The following FOXA2 variants were observed in gnomAD, a reference collection of about 807,000 sequenced individuals.
The protein encoded by FOXA2 is forkhead box A2, also known as hepatocyte nuclear factor 3-beta.
A neutral mutation model predicts 33.3 loss-of-function variants in FOXA2; 9 were observed. The ratio of observed to expected loss-of-function variants is 0.27; its 90% CI spans 0.16 to 0.47. The LOEUF is 0.47. Ranked by LOEUF, FOXA2 falls within the 20% of genes least tolerant of loss-of-function variation. The pLI, the probability that FOXA2 is intolerant of heterozygous loss-of-function variation, is 0.99. For synonymous variants in FOXA2, 329 were observed against 289.4 expected (o/e 1.14, Z -1.39); for missense variants, 704 against 659.9 (o/e 1.07, Z -0.73).
Position 22,582,804 on chromosome 20 carries a change from C to G in FOXA2, c.438G>C (p.Ala146=), listed in dbSNP as rs201700439. The change falls in exon 2 of 2, where the codon GCG becomes GCC. Residue 146 remains alanine, a synonymous_variant. Transcript: ENST00000419308. The stretch of plus-strand genomic sequence containing the variant: ...TGGGGTCGCGGGCGCGGCTCAGGCC[C>G]GCCTGCCCGTACATGGGGCTCATGG... ...MNSMSPMYGQ[A]GLSRARDPKT... is the part of the protein sequence containing the mutation. 267 of 1,613,348 alleles carry G rather than the reference C, an allele frequency of 1.7e-4. No homozygotes were observed. Among genetic ancestry groups the G allele is most frequent in the Middle Eastern group, 6.6e-4 (4 of 6,080 alleles).
chr20:22,584,470 G>C lies in FOXA2; in HGVS notation c.-192C>G, dbSNP rs560224517. On this transcript the variant is annotated 5_prime_UTR_variant, in exon 1 of 2. Transcript: ENST00000419308. ...GTAGTTGGAAGTGGGCGGGAGGTGG[G>C]GGGGGGCGAGGAGCGGAGGAGGCCC... is the stretch of plus-strand genomic sequence containing the variant. 260 of 604,186 alleles carry C rather than the reference G, an allele frequency of 4.3e-4. 2 individuals carry two copies. Among genetic ancestry groups the C allele is most frequent in the South Asian group, 4.0e-3 (214 of 53,202 alleles). The allele number at this position is 604,186 out of a possible 1,614,324, so 37.4% of individuals were successfully genotyped here.
At position 22,581,784 on chromosome 20, in the gene FOXA2, A is replaced by C; in HGVS notation, c.*66T>G. ...CCGTCTCCCCAAAGTCTCGACCCCC[A>C]CTTGCTCTCTCACTTGTCCTCGATC... On this transcript the variant is annotated 3_prime_UTR_variant, in exon 2 of 2. Transcript: ENST00000419308. The C allele has an allele frequency of 6.7e-7, 1 of 1,503,690 alleles. No individual in the cohort carries two copies. Among genetic ancestry groups the C allele is most frequent in the Non-Finnish European group, 9.2e-7 (1 of 1,088,750 alleles). 93.1% of individuals were successfully genotyped at this position (1,503,690 alleles called of 1,614,324 possible).
chr20:22,583,359 A>T (rs1339854626), intron 1 of FOXA2, among the ~76,000 whole-genome samples: 1 of 152,198 alleles, frequency 6.6e-6, no homozygotes, highest in African/African-American at 2.4e-5. Flanking sequence ...TGGCGAGCGG[A>T]TTGCTGCTTG....
rs780546461 is a variant in FOXA2 at position 22,582,957 on chromosome 20, G to T, written c.285C>A (p.Gly95=). 6.3e-6 allele frequency: 10 copies of T among 1,596,368 alleles called. No homozygotes were observed. The highest frequency in any genetic ancestry group is 2.3e-5 in the East Asian group (1 of 44,168). Residue 95 remains glycine, a synonymous_variant, in exon 2 of 2, where the codon GGC becomes GGA. Transcript: ENST00000419308. ...GMSPGAGAMA[G]MGGSAGAAGV... is the part of the protein sequence containing the mutation. ...CGGCCGCCCCGGCCGAGCCGCCCAT[G>T]CCCGCCATGGCGCCCGCGCCGGGGG...
At chr20:22,583,694 CG>C (rs1290014374) in intron 1 of FOXA2, among the ~76,000 whole-genome samples, 7 of 152,184 alleles carry the variant, frequency 4.6e-5, no homozygotes, top group Non-Finnish European at 1.0e-4. Flanking sequence ...GTGCGGAGTG[CG>C]GGGGCGGCTG....
Position 22,582,352 on chromosome 20 carries a change from G to A in FOXA2, c.890C>T (p.Ala297Val), listed in dbSNP as rs200459003. ...CGCCGGAGTCTCGGAGGCCGGCCCGGCGGCCTCCCCGAGTTGAGCCTGTGA... is the reference window on the plus strand; with the variant it reads ...CGCCGGAGTCTCGGAGGCCGGCCCGACGGCCTCCCCGAGTTGAGCCTGTGA... Reference protein sequence around the residue: ...QASQAQLGEAAGPASETPAGT... With the variant: ...QASQAQLGEAVGPASETPAGT... The change falls in exon 2 of 2, where the codon GCC (alanine) becomes GTC (valine). Residue 297 changes from alanine to valine, a missense_variant. Ala to Val is a moderately conservative substitution (Grantham distance 64). This residue lies in a region of FOXA2 where 343 missense variants were observed against 274.8 expected (regional missense o/e 1.25). Transcript: ENST00000419308. The A allele has an allele frequency of 3.0e-3, 4,464 of 1,483,358 alleles. 11 individuals carry two copies. The highest frequency in any genetic ancestry group is 3.6e-3 in the Non-Finnish European group (4,011 of 1,125,938). The allele number at this position is 1,483,358 out of a possible 1,614,324, so 91.9% of individuals were successfully genotyped here.
chr20:22,584,426 C>T lies in FOXA2; in HGVS notation c.-148G>A, dbSNP rs1261569222. ...CCCTGGGCTCCACTCCCTCTCTCTC[C>T]CTGGGCAGGCCGGAGGCGGTAGTTG... On this transcript the variant is annotated 5_prime_UTR_variant, in exon 1 of 2. Transcript: ENST00000419308. The T allele has an allele frequency of 2.9e-6, 2 of 680,938 alleles. No homozygotes were observed. The highest frequency in any genetic ancestry group is 5.2e-6 in the Non-Finnish European group (2 of 383,982). 42.2% of individuals were successfully genotyped at this position (680,938 alleles called of 1,614,324 possible).
chr20:22,583,181 C>A (rs1473942610), intron 1 of FOXA2, 27 bp from the exon 2 acceptor site: 4 of 1,598,562 alleles, frequency 2.5e-6, no homozygotes, highest in East Asian at 4.5e-5. Flanking sequence ...GGGAGGGAGG[C>A]GACAGCGTTA....
In FOXA2 at chr20:22,582,378, G is replaced by A; in HGVS notation, c.864C>T (p.Ala288=). 6.5e-7 allele frequency: 1 copy of A among 1,532,028 alleles called. No homozygotes were observed. The highest frequency in any genetic ancestry group is 8.7e-7 in the Non-Finnish European group (1 of 1,146,912). The allele number at this position is 1,532,028 out of a possible 1,614,324, so 94.9% of individuals were successfully genotyped here. ...CGGCCTCCCCGAGTTGAGCCTGTGA[G>A]GCCTGGGCTCCGGCGGCCGCCTTCT... ...SGKKAAAGAQ[A]SQAQLGEAAG... Residue 288 remains alanine, a synonymous_variant, in exon 2 of 2, where the codon GCC becomes GCT. Transcript: ENST00000419308.
chr20:22,581,711 T>C lies in FOXA2; in HGVS notation c.*139A>G, dbSNP rs2122990035. 3 of 768,208 alleles carry C rather than the reference T, an allele frequency of 3.9e-6. No homozygotes were observed. In the South Asian group the frequency reaches 5.2e-5, roughly 13 times the overall value. 47.6% of individuals were successfully genotyped at this position (768,208 alleles called of 1,614,324 possible). ...GAAGAAGACTGCTGTCTTGGGGGTG[T>C]TGGGGTGGGGGTGTTATGGATTTCT... On this transcript the variant is annotated 3_prime_UTR_variant, in exon 2 of 2. Coordinates refer to ENST00000419308, the MANE Select transcript of FOXA2 (RefSeq NM_021784.5).
rs1344133220 is a variant in FOXA2 at position 22,582,410 on chromosome 20, T to C, written c.832A>G (p.Ser278Gly). 10 of 1,569,370 alleles carry C rather than the reference T, an allele frequency of 6.4e-6. No homozygotes were observed. The highest frequency in any genetic ancestry group is 8.6e-6 in the Non-Finnish European group (10 of 1,162,502). Residue 278 changes from serine (S) to glycine (G), a missense_variant, in exon 2 of 2, where the codon AGC becomes GGC. Physicochemically the swap from Ser to Gly is moderately conservative, Grantham distance 56 (BLOSUM62 0). Around this residue, in one of 5 missense-constraint regions of FOXA2, gnomAD observed 343 missense variants for 274.8 expected, o/e 1.25. Coordinates refer to ENST00000419308, the MANE Select transcript of FOXA2 (RefSeq NM_021784.5). Reference protein sequence around the residue: ...ALKEAAGAAGSGKKAAAGAQA... With the variant: ...ALKEAAGAAGGGKKAAAGAQA... Reference sequence around the variant, plus strand: ...GCTCCGGCGGCCGCCTTCTTGCCGCTGCCGGCGGCGCCTGCGGCCTCCTTC... The same window carrying C: ...GCTCCGGCGGCCGCCTTCTTGCCGCCGCCGGCGGCGCCTGCGGCCTCCTTC...
chr20:22,582,804 C>T lies in FOXA2; in HGVS notation c.438G>A (p.Ala146=). The change falls in exon 2 of 2, where the codon GCG becomes GCA. Residue 146 remains alanine (A), a synonymous_variant. Transcript: ENST00000419308. ...TGGGGTCGCGGGCGCGGCTCAGGCC[C>T]GCCTGCCCGTACATGGGGCTCATGG... is the stretch of plus-strand genomic sequence containing the variant. The part of the protein sequence containing the change: ...MNSMSPMYGQ[A]GLSRARDPKT... 6.2e-7 allele frequency: 1 copy of T among 1,613,466 alleles called. No homozygotes were observed. The highest frequency in any genetic ancestry group is 8.5e-7 in the Non-Finnish European group (1 of 1,179,696).
intron 1 of FOXA2, among the ~76,000 whole-genome samples, chr20:22,583,921 T>G (rs1984677178): frequency 6.6e-6 from 1 of 151,522 alleles, no homozygotes; most frequent in African/African-American, 2.4e-5. Context: ...AACATAACTC[T>G]GTTAGGATAG....
chr20:22,584,102 G>GGGGCGGGGT, intron 1 of FOXA2, 90 bp downstream of exon 1: 1 of 1,241,654 alleles, frequency 8.1e-7, no homozygotes, highest in Non-Finnish European at 1.2e-6. Context: ...GGGGCGGGGT[G>GGGGCGGGGT]GGGGGGTGCC....
Position 22,582,304 on chromosome 20 carries a change from C to T in FOXA2, c.938G>A (p.Ser313Asn). 2 of 1,471,856 alleles carry T rather than the reference C, an allele frequency of 1.4e-6. No individual in the cohort carries two copies. The highest frequency in any genetic ancestry group is 1.8e-6 in the Non-Finnish European group (2 of 1,121,164). The allele number at this position is 1,471,856 out of a possible 1,614,324, so 91.2% of individuals were successfully genotyped here. Residue 313 changes from serine to asparagine, a missense_variant, in exon 2 of 2, where the codon AGC becomes AAC. Physicochemically the swap from Ser to Asn is conservative, Grantham distance 46. Around this residue, in one of 5 missense-constraint regions of FOXA2, gnomAD observed 343 missense variants for 274.8 expected, o/e 1.25. Coordinates refer to ENST00000419308, the MANE Select transcript of FOXA2 (RefSeq NM_021784.5). ...CTTGTGCTCCTGGCACGGGGAGGCG[C>T]TCGAGTGAGGCGACTCGGTGCCCGC... is the stretch of plus-strand genomic sequence containing the variant. The part of the protein sequence containing the change: ...TPAGTESPHS[S>N]ASPCQEHKRG...
chr20:22,581,937 G>C lies in FOXA2; in HGVS notation c.1305C>G (p.Asn435Lys). ...PGSLAMGPVTNKTGLDASPLA... is the reference protein window; with the variant it reads ...PGSLAMGPVTKKTGLDASPLA... ...GGGGCGAGGCGTCCAGGCCCGTTTTGTTCGTGACCGGGCCCATGGCCAAGC... is the reference window on the plus strand; with the variant it reads ...GGGGCGAGGCGTCCAGGCCCGTTTTCTTCGTGACCGGGCCCATGGCCAAGC... Residue 435 changes from asparagine (N) to lysine (K), a missense_variant, in exon 2 of 2, where the codon AAC (asparagine) becomes AAG (lysine). Asn to Lys is a moderately conservative substitution (Grantham distance 94). Around this residue, in one of 5 missense-constraint regions of FOXA2, gnomAD observed 343 missense variants for 274.8 expected, o/e 1.25. Transcript: ENST00000419308. 6.2e-7 allele frequency: 1 copy of C among 1,611,620 alleles called. No homozygotes were observed. The highest frequency in any genetic ancestry group is 8.5e-7 in the Non-Finnish European group (1 of 1,177,946).
chr20:22,585,398 C>G (rs1219871979), upstream of FOXA2: 1 of 152,382 alleles, frequency 6.6e-6, no homozygotes, highest in Middle Eastern at 3.4e-3. Flanking sequence ...CCTCAGACAC[C>G]GGCCGCCAGG....
At chr20:22,583,215 G>A (rs1251624719) in intron 1 of FOXA2, 61 bp from the exon 2 acceptor site, 16 of 1,578,634 alleles carry the variant, frequency 1.0e-5, no homozygotes, top group Non-Finnish European at 8.6e-7. Flanking sequence ...AGGGTGCCCA[G>A]ACCTCCCACC....
rs2122998696 is a variant in FOXA2 at position 22,584,356 on chromosome 20, G to A, written c.-78C>T. 4.0e-6 allele frequency: 5 copies of A among 1,246,888 alleles called. No homozygotes were observed. The highest frequency in any genetic ancestry group is 1.9e-4 in the Middle Eastern group (1 of 5,132). The allele number at this position is 1,246,888 out of a possible 1,614,324, so 77.2% of individuals were successfully genotyped here. A position where few individuals can be genotyped will look rare whatever the true frequency, so the allele number is the denominator to read the frequency against. On this transcript the variant is annotated 5_prime_UTR_variant, in exon 1 of 2. Transcript: ENST00000419308. ...CCCACCCTCTTTTAAAAAAAAGTCA[G>A]CCAAAGCACCGTCCCCTCCTCCCTC... is the stretch of plus-strand genomic sequence containing the variant.
Sources: allele counts gnomAD v4.1 joint callset (sites outside exome capture counted in the v4.1 genomes callset), GRCh38; gene constraint gnomAD v4.1.1; regional missense constraint gnomAD v4.1.1; transcripts MANE v1.5; gene names NCBI Gene and HGNC (gene_info 2026-07-23, HGNC 2026-07-21).